Variants in PTPRG observed in about 807,000 individuals in gnomAD.
PTPRG encodes the protein receptor-type tyrosine-protein phosphatase gamma.
A neutral mutation model predicts 165.3 loss-of-function variants in PTPRG; 102 were observed. The observed-to-expected ratio is 0.62, with a 90% CI of 0.53 to 0.73. The LOEUF is 0.73. Among genes scored for constraint, PTPRG ranks in the 30% least tolerant of loss-of-function variants. The pLI, the probability that PTPRG is intolerant of heterozygous loss-of-function variation, is 0.00. For synonymous variants in PTPRG, 675 were observed against 669.5 expected, an observed-to-expected ratio of 1.01 and a Z score of -0.13; for missense variants, 1,866 against 1,861.4, an observed-to-expected ratio of 1.00 and a Z score of -0.05.
chr3:61,677,776 A>G (rs1371074643), intron 1 of PTPRG, among the ~76,000 whole-genome samples: 1 of 152,146 alleles, frequency 6.6e-6, no homozygotes, highest in Admixed American at 6.6e-5. Context: ...ATATTTTTTA[A>G]GCTAGTGATT....
intron 2 of PTPRG, among the ~76,000 whole-genome samples, chr3:61,973,288 G>A (rs1187265641): frequency 1.3e-5 from 2 of 152,178 alleles, no homozygotes; most frequent in Admixed American, 6.5e-5. Flanking sequence ...GGATCCAGCT[G>A]TTTTGGAAAT....
At chr3:62,021,527 A>C (rs1025032160) in intron 4 of PTPRG, among the ~76,000 whole-genome samples, 1 of 152,192 alleles carries the variant, frequency 6.6e-6, no homozygotes, top group Admixed American at 6.5e-5. Context: ...AATACAATAC[A>C]TTGTCTCGGC....
chr3:62,289,670 C>T (rs1016642002), intron 28 of PTPRG, among the ~76,000 whole-genome samples: 4 of 148,418 alleles, frequency 2.7e-5, no homozygotes, highest in Admixed American at 1.4e-4. Flanking sequence ...TATTGAAAAG[C>T]GTACAATAAA....
intron 2 of PTPRG, among the ~76,000 whole-genome samples, chr3:61,966,625 T>A (rs960217885): frequency 1.1e-4 from 16 of 152,210 alleles, no homozygotes; most frequent in African/African-American, 3.6e-4. Context: ...CATTCATTCG[T>A]GTTTTTTTTT....
intron 4 of PTPRG, among the ~76,000 whole-genome samples, chr3:62,016,408 C>T (rs1027451196): frequency 2.6e-5 from 4 of 152,206 alleles, no homozygotes; most frequent in South Asian, 2.1e-4. Context: ...CCTCGTGATT[C>T]GCCTGCCTCA....
At chr3:61,916,961 C>A (rs1295134979) in intron 2 of PTPRG, among the ~76,000 whole-genome samples, 3 of 152,090 alleles carry the variant, frequency 2.0e-5, no homozygotes, top group African/African-American at 7.2e-5. Context: ...GTGAATGATG[C>A]CCATTCTTGT....
At chr3:61,868,040 A>G (rs2037458078) in intron 2 of PTPRG, among the ~76,000 whole-genome samples, 1 of 152,196 alleles carries the variant, frequency 6.6e-6, no homozygotes, top group Non-Finnish European at 1.5e-5. Flanking sequence ...GGATTGGTTC[A>G]GTCTGATACC....
At chr3:62,029,558 T>C (rs771342635) in intron 4 of PTPRG, among the ~76,000 whole-genome samples, 13 of 152,212 alleles carry the variant, frequency 8.5e-5, no homozygotes, top group Non-Finnish European at 1.6e-4. Context: ...TCCATCTTCA[T>C]TGGAAAACTT....
intron 2 of PTPRG, among the ~76,000 whole-genome samples, chr3:61,753,849 G>T (rs2033542330): frequency 6.6e-6 from 1 of 152,062 alleles, no homozygotes; most frequent in Non-Finnish European, 1.5e-5. Flanking sequence ...GCCTGTCTCG[G>T]CCTCCCAAAG....
intron 8 of PTPRG, among the ~76,000 whole-genome samples, chr3:62,189,909 C>T (rs550728555): frequency 1.3e-5 from 2 of 152,176 alleles, no homozygotes; most frequent in African/African-American, 4.8e-5. Context: ...CTGTGACTTG[C>T]TCCAGCCCCT....
chr3:62,064,765 T>C (rs1700952134), intron 4 of PTPRG, among the ~76,000 whole-genome samples: 1 of 143,102 alleles, frequency 7.0e-6, no homozygotes, highest in Non-Finnish European at 1.5e-5. Context: ...GGAGTTTCAC[T>C]GTTCTTGCCC....
intron 6 of PTPRG, among the ~76,000 whole-genome samples, chr3:62,147,961 T>C (rs1271732432): frequency 5.3e-5 from 8 of 152,008 alleles, no homozygotes; most frequent in Admixed American, 5.2e-4. Flanking sequence ...CTGGCTAACA[T>C]GGTGAAACCC....
chr3:61,983,096 A>C (rs542986911), intron 2 of PTPRG, among the ~76,000 whole-genome samples: 12 of 152,224 alleles, frequency 7.9e-5, no homozygotes, highest in Admixed American at 3.3e-4. Flanking sequence ...GAGCAGCTTT[A>C]TAACTGAATA....
At position 62,103,371 on chromosome 3, in the gene PTPRG, T is replaced by C. The variant is rs142498206; in HGVS notation, c.615+25113T>C. Among the ~76,000 whole-genome samples, 24 of 152,332 alleles carry C rather than the reference T, an allele frequency of 1.6e-4. 1 individual carries two copies. The highest frequency in any genetic ancestry group is 5.3e-4 in the African/African-American group (22 of 41,570). The stretch of plus-strand genomic sequence containing the variant: ...CACCAGTGCTAAGCAGGGTTTTGCC[T>C]TCTCCTCCCACATGTCTAACTAGAA... On this transcript the variant is annotated intron_variant, in intron 5 of 29. Transcript: ENST00000474889.
At chr3:61,967,550 A>G (rs2040298221) in intron 2 of PTPRG, among the ~76,000 whole-genome samples, 1 of 152,214 alleles carries the variant, frequency 6.6e-6, no homozygotes, top group South Asian at 2.1e-4. Flanking sequence ...TTAGATGTCT[A>G]AATTCATTCC....
At chr3:61,745,194 G>T (rs78867724) in intron 1 of PTPRG, among the ~76,000 whole-genome samples, 5 of 152,032 alleles carry the variant, frequency 3.3e-5, no homozygotes, top group African/African-American at 9.6e-5. Flanking sequence ...GGGACTGCAG[G>T]CGTGCCACCA....
At chr3:61,927,624 T>C (rs894634005) in intron 2 of PTPRG, among the ~76,000 whole-genome samples, 3 of 152,146 alleles carry the variant, frequency 2.0e-5, no homozygotes, top group African/African-American at 4.8e-5. Flanking sequence ...CTGCTAACCG[T>C]GTGAGTCTGC....
At chr3:61,935,548 C>A (rs1575801266) in intron 2 of PTPRG, among the ~76,000 whole-genome samples, 1 of 152,038 alleles carries the variant, frequency 6.6e-6, no homozygotes, top group Admixed American at 6.5e-5. Context: ...GCAGTGTAGA[C>A]AGTTTAGGCA....
chr3:61,800,527 T>C (rs1222583400), intron 2 of PTPRG, among the ~76,000 whole-genome samples: 2 of 152,046 alleles, frequency 1.3e-5, no homozygotes, highest in Non-Finnish European at 2.9e-5. Context: ...CCGTATGAGG[T>C]TGGCACAATC....
Sources: gnomAD v4.1 joint callset for allele counts (sites outside exome capture counted in the v4.1 genomes callset) on GRCh38, gnomAD v4.1.1 for gene constraint, MANE v1.5 for transcripts, NCBI Gene and HGNC (gene_info 2026-07-23, HGNC 2026-07-21) for gene names.